NEBL: variants seen among roughly 807,000 people sequenced by gnomAD.
NEBL encodes LIM and SH3 protein 2.
In NEBL, 122 loss-of-function variants were observed where a neutral mutation model predicts 140.2. The observed-to-expected ratio is 0.87, with a 90% CI of 0.75 to 1.01. The LOEUF is 1.01. Among genes scored for constraint, NEBL ranks in the 50% least tolerant of loss-of-function variants. NEBL has a pLI of 0.00. For missense variants in NEBL, 1,365 were observed against 1,231.3 expected, an observed-to-expected ratio of 1.11 and a Z score of -1.62; for synonymous variants, 436 against 398.9, an observed-to-expected ratio of 1.09 and a Z score of -1.11.
chr10:21,227,754 TTC>T (rs1325358017), intron 3 of NEBL, among the ~76,000 whole-genome samples: 25 of 146,542 alleles, frequency 1.7e-4, no homozygotes, highest in African/African-American at 5.4e-4. Flanking sequence ...CTTCTTCTTC[TTC>T]TTCTTCTTCT....
intron 1 of NEBL, among the ~76,000 whole-genome samples, chr10:21,260,303 C>T (rs1842721634): frequency 6.6e-6 from 1 of 152,196 alleles, no homozygotes; most frequent in South Asian, 2.1e-4. Flanking sequence ...TTTCCAAAGG[C>T]CAGAAGGCTC....
chr10:21,244,983 G>A (rs1007867660), intron 3 of NEBL, among the ~76,000 whole-genome samples: 3 of 142,468 alleles, frequency 2.1e-5, no homozygotes, highest in African/African-American at 7.9e-5. Context: ...ACAGCAAGAT[G>A]CTGTCTCTAA....
chr10:21,227,718 TTCTTCTTC>T lies in NEBL; in HGVS notation n.348+20195_348+20202del, dbSNP rs1842181418. Among the ~76,000 whole-genome samples the T allele has an allele frequency of 6.0e-4, 48 of 79,836 alleles. No individual in the cohort carries two copies. In the South Asian group the frequency reaches 6.3e-3, roughly 11 times the overall value. 52.4% of individuals were successfully genotyped at this position (79,836 alleles called of 152,430 possible). ...TTCTTCTTCTTCTTCTTCTTTCTTC[TTCTTCTTC>T]TTCTTCTTCTTCTTCTTCTTCTTCT... On this transcript the variant is annotated intron_variant and non_coding_transcript_variant, in intron 3 of 8. Coordinates refer to the NEBL transcript ENST00000675702.
chr10:20,867,062 T>C (rs1371019310), intron 7 of NEBL, among the ~76,000 whole-genome samples: 1 of 152,134 alleles, frequency 6.6e-6, no homozygotes, highest in Non-Finnish European at 1.5e-5. Flanking sequence ...TTAGAAGTAC[T>C]TTTCCAAGTA....
chr10:21,158,367 A>T (rs148891883), intron 2 of NEBL, among the ~76,000 whole-genome samples: 2 of 152,338 alleles, frequency 1.3e-5, no homozygotes, highest in East Asian at 3.9e-4. Context: ...TGTCTACTCT[A>T]TGTCAACTAT....
At chr10:20,978,947 C>T (rs1836917350) in intron 3 of NEBL, among the ~76,000 whole-genome samples, 1 of 151,966 alleles carries the variant, frequency 6.6e-6, no homozygotes, top group East Asian at 1.9e-4. Flanking sequence ...ACAGATAAGA[C>T]AGCATACAGT....
chr10:20,799,459 T>C (rs1836886941), intron 26 of NEBL, among the ~76,000 whole-genome samples: 1 of 152,232 alleles, frequency 6.6e-6, no homozygotes, highest in South Asian at 2.1e-4. Context: ...CACAGACATT[T>C]AGTATTTCAA....
chr10:20,927,930 C>A (rs73607553), intron 4 of NEBL, among the ~76,000 whole-genome samples: 1,551 of 152,278 alleles, frequency 0.01, 25 homozygotes, highest in African/African-American at 0.036. Flanking sequence ...AACAGAGATA[C>A]AATGTGAGCC....
chr10:20,897,036 G>GA lies in NEBL; in HGVS notation c.82-8dup, dbSNP rs749178388. On this transcript the variant is annotated splice_region_variant and splice_polypyrimidine_tract_variant and intron_variant, in intron 1 of 27. Coordinates refer to ENST00000377122, the MANE Select transcript of NEBL (RefSeq NM_006393.3). The stretch of plus-strand genomic sequence containing the variant: ...TAACAGGCTTATAGAAGACCTATTT[G>GA]AAAAAAAAGAAAAGAACAGAAAGAA... The GA allele has an allele frequency of 1.8e-5, 29 of 1,610,634 alleles. No individual in the cohort carries two copies. The highest frequency in any genetic ancestry group is 1.6e-4 in the African/African-American group (12 of 74,640).
upstream of NEBL, among the ~76,000 whole-genome samples, chr10:21,176,467 T>G (rs1841302654): frequency 6.6e-6 from 1 of 152,234 alleles, no homozygotes; most frequent in Non-Finnish European, 1.5e-5. Context: ...TCTCATTTTC[T>G]ACATCAAACC....
intron 4 of NEBL, among the ~76,000 whole-genome samples, chr10:20,931,219 A>G (rs1208868890): frequency 5.9e-5 from 9 of 152,158 alleles, no homozygotes; most frequent in African/African-American, 2.2e-4. Flanking sequence ...CATAATTCTC[A>G]ATCCTTCTAA....
intron 7 of NEBL, among the ~76,000 whole-genome samples, chr10:20,862,713 C>A (rs1271911679): frequency 2.0e-5 from 3 of 152,146 alleles, no homozygotes; most frequent in African/African-American, 7.2e-5. Flanking sequence ...AAGGGAGGAA[C>A]AGGTATTGGA....
chr10:20,803,037 C>T (rs538318793), intron 26 of NEBL, among the ~76,000 whole-genome samples: 4 of 152,224 alleles, frequency 2.6e-5, no homozygotes, highest in Admixed American at 6.5e-5. Flanking sequence ...TCTCGTCCTC[C>T]AGTTCAGGGT....
At chr10:20,900,507 G>A (rs765721500), upstream of NEBL, among the ~76,000 whole-genome samples, 15 of 151,448 alleles carry the variant, frequency 9.9e-5, no homozygotes, top group Admixed American at 5.9e-4. Context: ...GTCAAACCCC[G>A]TCTCTAGTAA....
Position 20,926,706 on chromosome 10 carries a change from C to T in NEBL, c.357+34966G>A, listed in dbSNP as rs150200844. 7.5e-3 allele frequency among the ~76,000 whole-genome samples: 1,144 copies of T among 152,242 alleles called. 21 individuals are homozygous for T. The highest frequency in any genetic ancestry group is 0.026 in the African/African-American group (1,061 of 41,530). On this transcript the variant is annotated intron_variant, in intron 4 of 6. Transcript: ENST00000417816. ...GGTGCAGGGGGAGAGTGTGTCGTCT[C>T]GCATTCAGCAATGGCCAGCAGCATT...
intron 1 of NEBL, chr10:21,172,494 AAC>A: frequency 6.3e-7 from 1 of 1,592,112 alleles, no homozygotes; most frequent in Non-Finnish European, 8.6e-7. Context: ...AAAAAAAAAA[AAC>A]ATTTAAAAAT....
At chr10:21,128,614 G>T (rs889000083) in intron 2 of NEBL, among the ~76,000 whole-genome samples, 1 of 151,910 alleles carries the variant, frequency 6.6e-6, no homozygotes, top group African/African-American at 2.4e-5. Flanking sequence ...AAAGAAATGG[G>T]TGTCTAGAAA....
At chr10:20,787,792 A>G (rs570710902) in intron 26 of NEBL, among the ~76,000 whole-genome samples, 39 of 152,218 alleles carry the variant, frequency 2.6e-4, no homozygotes, top group Non-Finnish European at 4.7e-4. Flanking sequence ...CGGCAAACAT[A>G]ACGTATGTTT....
intron 2 of NEBL, among the ~76,000 whole-genome samples, chr10:21,123,474 GCTCA>G (rs1838671557): frequency 1.3e-5 from 2 of 152,140 alleles, no homozygotes; most frequent in African/African-American, 4.8e-5. Flanking sequence ...TCAGTAAAAA[GCTCA>G]CTAAGTCTTT....
Sources: allele counts gnomAD v4.1 joint callset (sites outside exome capture counted in the v4.1 genomes callset), GRCh38; gene constraint gnomAD v4.1.1; transcripts MANE v1.5; gene names NCBI Gene and HGNC (gene_info 2026-07-23, HGNC 2026-07-21).